SAMD12: variants seen among roughly 807,000 people sequenced by gnomAD.
SAMD12 encodes the protein sterile alpha motif domain-containing protein 12.
SAMD12 carries 9 observed loss-of-function variants against 15.0 expected under a neutral mutation model. The observed-to-expected ratio is 0.60, with a 90% CI of 0.36 to 1.05. The LOEUF is 1.05. Among genes scored for constraint, SAMD12 ranks in the 50% least tolerant of loss-of-function variants. SAMD12 has a pLI of 0.01. For missense variants in SAMD12, 230 were observed against 234.2 expected (o/e 0.98, Z 0.12); for synonymous variants, 86 against 90.1 (o/e 0.96, Z 0.25).
intron 2 of SAMD12, among the ~76,000 whole-genome samples, chr8:118,489,504 C>T (rs1824380974): frequency 1.3e-5 from 2 of 152,122 alleles, no homozygotes; most frequent in South Asian, 4.1e-4. Context: ...CTCTAGCCTC[C>T]TCCTAAGTTT....
intron 2 of SAMD12, among the ~76,000 whole-genome samples, chr8:118,500,238 C>T (rs1412631831): frequency 6.6e-6 from 1 of 151,696 alleles, no homozygotes; most frequent in South Asian, 2.1e-4. Flanking sequence ...GCCACTACAC[C>T]CAGCTCATTT....
the SAMD12 span, among the ~76,000 whole-genome samples, chr8:118,144,524 C>T: frequency 6.6e-6 from 1 of 151,510 alleles, no homozygotes; most frequent in Non-Finnish European, 1.5e-5. Context: ...TTATTAATTT[C>T]TTATTACATA....
chr8:118,604,865 T>C (rs1369968096), intron 1 of SAMD12, among the ~76,000 whole-genome samples: 1 of 151,798 alleles, frequency 6.6e-6, no homozygotes, highest in Admixed American at 6.6e-5. Context: ...GAGCTTGCAG[T>C]GAGCCGAGAT....
intron 3 of SAMD12, among the ~76,000 whole-genome samples, chr8:118,384,991 A>T (rs1433175188): frequency 6.6e-6 from 1 of 152,114 alleles, no homozygotes; most frequent in Admixed American, 6.5e-5. Flanking sequence ...TTCAGTGAGG[A>T]TGTTCCCGCA....
At chr8:118,288,681 G>A (rs982960632) in intron 4 of SAMD12, among the ~76,000 whole-genome samples, 2 of 152,184 alleles carry the variant, frequency 1.3e-5, no homozygotes, top group Non-Finnish European at 2.9e-5. Flanking sequence ...CTTTGAAGAT[G>A]AGAGTCCATT....
At chr8:118,185,631 T>C (rs1006371115), downstream of SAMD12, among the ~76,000 whole-genome samples, 2 of 152,192 alleles carry the variant, frequency 1.3e-5, no homozygotes, top group Admixed American at 6.5e-5. Flanking sequence ...AGTAGTGTGC[T>C]ACAAAGGGAT....
At chr8:118,391,339 C>T (rs1411785950) in intron 3 of SAMD12, among the ~76,000 whole-genome samples, 1 of 152,098 alleles carries the variant, frequency 6.6e-6, no homozygotes, top group Non-Finnish European at 1.5e-5. Flanking sequence ...TAGACAAAAC[C>T]TCTAGGTACT....
chr8:118,435,348 C>T (rs1420809863), intron 3 of SAMD12, among the ~76,000 whole-genome samples: 1 of 151,822 alleles, frequency 6.6e-6, no homozygotes, highest in Non-Finnish European at 1.5e-5. Context: ...CTTACTGAAC[C>T]TAATTAAAAA....
At chr8:118,402,302 G>A (rs747305066) in intron 3 of SAMD12, among the ~76,000 whole-genome samples, 3 of 152,136 alleles carry the variant, frequency 2.0e-5, no homozygotes, top group African/African-American at 4.8e-5. Flanking sequence ...CTGAGGTTTT[G>A]ATAAAGTACA....
At chr8:118,432,716 G>A (rs1308528106) in intron 3 of SAMD12, among the ~76,000 whole-genome samples, 2 of 152,156 alleles carry the variant, frequency 1.3e-5, no homozygotes, top group Non-Finnish European at 2.9e-5. Flanking sequence ...AGGAAAACTG[G>A]AATTATTCAG....
At chr8:118,309,378 A>ATGTGTGTGTGTG (rs1360473888) in intron 4 of SAMD12, among the ~76,000 whole-genome samples, 1 of 118,316 alleles carries the variant, frequency 8.5e-6, no homozygotes, top group Admixed American at 7.7e-5. Flanking sequence ...TTTGAGATAT[A>ATGTGTGTGTGTG]TATGTGTGTG....
At chr8:118,200,870 G>A (rs1363838904) in intron 4 of SAMD12, among the ~76,000 whole-genome samples, 1 of 152,008 alleles carries the variant, frequency 6.6e-6, no homozygotes, top group African/African-American at 2.4e-5. Flanking sequence ...ATCAGGCTGG[G>A]GTGCAGTGGC....
intron 4 of SAMD12, among the ~76,000 whole-genome samples, chr8:118,221,342 A>G (rs570159898): frequency 8.5e-5 from 13 of 152,174 alleles, no homozygotes; most frequent in East Asian, 7.7e-4. Flanking sequence ...GGAATAATTA[A>G]TCACATCCAG....
At chr8:118,532,677 G>A (rs1825723709) in intron 2 of SAMD12, among the ~76,000 whole-genome samples, 1 of 152,174 alleles carries the variant, frequency 6.6e-6, no homozygotes, top group African/African-American at 2.4e-5. Context: ...GAGGGTGTAT[G>A]TGTCCAGGAA....
intron 4 of SAMD12, among the ~76,000 whole-genome samples, chr8:118,318,355 T>TATATATATATATACACAC (rs1554630371): frequency 9.0e-6 from 1 of 110,830 alleles, no homozygotes; most frequent in East Asian, 2.6e-4. Flanking sequence ...TATATATATA[T>TATATATATATATACACAC]ACATATATAC....
chr8:118,333,095 G>C (rs888320106), intron 4 of SAMD12, among the ~76,000 whole-genome samples: 2 of 152,108 alleles, frequency 1.3e-5, no homozygotes, highest in African/African-American at 4.8e-5. Flanking sequence ...AGTTATCGCA[G>C]GGAAGGCTTT....
chr8:118,559,505 G>C (rs1826646730), intron 2 of SAMD12, among the ~76,000 whole-genome samples: 1 of 152,114 alleles, frequency 6.6e-6, no homozygotes, highest in Non-Finnish European at 1.5e-5. Context: ...ATCCCTACAA[G>C]GCTCATCATA....
the SAMD12 span, among the ~76,000 whole-genome samples, chr8:118,141,273 C>T: frequency 1.3e-5 from 2 of 152,198 alleles, no homozygotes; most frequent in Non-Finnish European, 2.9e-5. Flanking sequence ...TTTGAGACTG[C>T]CATATGTGTA....
the SAMD12 span, among the ~76,000 whole-genome samples, chr8:118,163,744 G>A: frequency 7.4e-4 from 113 of 152,210 alleles, 1 homozygote; most frequent in Middle Eastern, 3.4e-3. Context: ...GCGCGGTGGC[G>A]GGCGCCTGTA....
Sources: gnomAD v4.1 joint callset for allele counts (sites outside exome capture counted in the v4.1 genomes callset) on GRCh38, gnomAD v4.1.1 for gene constraint, MANE v1.5 for transcripts, NCBI Gene and HGNC (gene_info 2026-07-23, HGNC 2026-07-21) for gene names.